PRKG1: variants seen among roughly 807,000 people sequenced by gnomAD.
The protein encoded by PRKG1 is protein kinase cGMP-dependent 1, also known as cGMP-dependent protein kinase 1.
In PRKG1, 35 loss-of-function variants were observed where a neutral mutation model predicts 88.1. That is an observed-to-expected ratio of 0.40 (90% CI 0.30 to 0.53). The LOEUF (loss-of-function observed/expected upper bound fraction) is 0.53. Ranked by LOEUF, PRKG1 falls within the 20% of genes least tolerant of loss-of-function variation. The probability of loss-of-function intolerance (pLI) is 0.59; values close to 1 mark genes in which losing one functional copy is unlikely to be tolerated. For synonymous variants in PRKG1, 303 were observed against 292.5 expected (o/e 1.04, Z -0.37); for missense variants, 540 against 839.8 (o/e 0.64, Z 4.41).
chr10:52,092,216 T>C (rs984563639), intron 7 of PRKG1, among the ~76,000 whole-genome samples: 11 of 152,192 alleles, frequency 7.2e-5, no homozygotes, highest in African/African-American at 2.7e-4. Flanking sequence ...ATACGCATTT[T>C]AGGTAAGAAC....
At chr10:52,209,146 G>A (rs1323315484) in intron 9 of PRKG1, among the ~76,000 whole-genome samples, 1 of 152,120 alleles carries the variant, frequency 6.6e-6, no homozygotes, top group African/African-American at 2.4e-5. Context: ...GGAGTAGGGG[G>A]TCCATAAACT....
intron 3 of PRKG1, among the ~76,000 whole-genome samples, chr10:51,554,381 A>G (rs2132135516): frequency 6.9e-6 from 1 of 144,960 alleles, no homozygotes; most frequent in South Asian, 2.1e-4. Flanking sequence ...CATATATAAT[A>G]TATACATATA....
At chr10:51,326,602 T>C (rs1057179308) in intron 2 of PRKG1, among the ~76,000 whole-genome samples, 2 of 152,200 alleles carry the variant, frequency 1.3e-5, no homozygotes, top group Non-Finnish European at 2.9e-5. Flanking sequence ...CTTTAAAAAA[T>C]AGCTAATTTT....
chr10:51,476,030 T>G (rs1840183278), intron 3 of PRKG1, among the ~76,000 whole-genome samples: 1 of 152,092 alleles, frequency 6.6e-6, no homozygotes, highest in African/African-American at 2.4e-5. Context: ...CAACCTTTTG[T>G]ACTCATAGTG....
intron 3 of PRKG1, among the ~76,000 whole-genome samples, chr10:51,493,315 G>A (rs137908867): frequency 6.6e-6 from 1 of 152,122 alleles, no homozygotes; most frequent in African/African-American, 2.4e-5. Context: ...CCAAATTCCA[G>A]GTGTTGTCTA....
chr10:52,077,077 A>C (rs374896241), intron 7 of PRKG1, among the ~76,000 whole-genome samples: 3 of 152,302 alleles, frequency 2.0e-5, no homozygotes, highest in South Asian at 2.1e-4. Context: ...TGAAACATGA[A>C]AGCTTACATG....
At chr10:51,943,519 C>T (rs1842956468) in intron 5 of PRKG1, among the ~76,000 whole-genome samples, 1 of 152,014 alleles carries the variant, frequency 6.6e-6, no homozygotes, top group African/African-American at 2.4e-5. Context: ...AGAGGGCATC[C>T]CTGTCTTATG....
chr10:51,838,626 TCTTC>T (rs1257556248), intron 4 of PRKG1, among the ~76,000 whole-genome samples: 1 of 152,182 alleles, frequency 6.6e-6, no homozygotes, highest in Non-Finnish European at 1.5e-5. Flanking sequence ...GGCTGAAATG[TCTTC>T]CTTATCTTCT....
chr10:51,562,606 G>A (rs1837496310), intron 3 of PRKG1, among the ~76,000 whole-genome samples: 1 of 152,056 alleles, frequency 6.6e-6, no homozygotes, highest in Non-Finnish European at 1.5e-5. Context: ...GCACCATCTG[G>A]AAATGTATTA....
intron 5 of PRKG1, among the ~76,000 whole-genome samples, chr10:52,041,554 A>G (rs1000342081): frequency 2.0e-5 from 3 of 152,210 alleles, no homozygotes; most frequent in Admixed American, 6.5e-5. Context: ...AGGAATTAGT[A>G]TAGTTCTTTA....
chr10:51,702,145 C>T (rs952205509), intron 3 of PRKG1, among the ~76,000 whole-genome samples: 1 of 152,172 alleles, frequency 6.6e-6, no homozygotes, highest in Non-Finnish European at 1.5e-5. Context: ...ATACCCTGGA[C>T]ATGAAGACTG....
chr10:51,534,092 G>A (rs929284217), intron 3 of PRKG1, among the ~76,000 whole-genome samples: 1 of 152,134 alleles, frequency 6.6e-6, no homozygotes, highest in Non-Finnish European at 1.5e-5. Context: ...AAAGAAAAGA[G>A]AAGGCAGAAG....
intron 3 of PRKG1, among the ~76,000 whole-genome samples, chr10:51,595,105 G>A (rs1838409896): frequency 6.6e-6 from 1 of 152,124 alleles, no homozygotes; most frequent in Admixed American, 6.5e-5. Context: ...CCAGCATTTT[G>A]GAAAGCCAAG....
At chr10:51,455,256 G>C (rs1269700369) in intron 2 of PRKG1, among the ~76,000 whole-genome samples, 1 of 152,218 alleles carries the variant, frequency 6.6e-6, no homozygotes, top group Admixed American at 6.5e-5. Context: ...AGGGTCCTTG[G>C]GCCTAGCCCA....
At chr10:51,671,649 C>G (rs567067649) in intron 3 of PRKG1, among the ~76,000 whole-genome samples, 3 of 151,054 alleles carry the variant, frequency 2.0e-5, no homozygotes, top group Admixed American at 6.6e-5. Flanking sequence ...TGCAGTGGCA[C>G]GATTTCAGCT....
intron 2 of PRKG1, among the ~76,000 whole-genome samples, chr10:51,413,278 A>T (rs7902687): frequency 7.9e-5 from 12 of 152,020 alleles, no homozygotes; most frequent in Non-Finnish European, 1.6e-4. Context: ...CCACATAAAC[A>T]CTAACACAAG....
chr10:52,198,820 G>GTT (rs1465635765), intron 9 of PRKG1, among the ~76,000 whole-genome samples: 1 of 151,536 alleles, frequency 6.6e-6, no homozygotes, highest in Non-Finnish European at 1.5e-5. Context: ...GTGAGTGTGT[G>GTT]TGTGTGTGTG....
intron 2 of PRKG1, among the ~76,000 whole-genome samples, chr10:51,363,394 G>A (rs956002806): frequency 5.9e-5 from 9 of 151,738 alleles, no homozygotes; most frequent in African/African-American, 2.2e-4. Context: ...TTGATATTGC[G>A]AGGAGAAGAT....
At chr10:50,998,249 T>C (rs1296338786) in intron 1 of PRKG1, among the ~76,000 whole-genome samples, 2 of 152,160 alleles carry the variant, frequency 1.3e-5, no homozygotes, top group Non-Finnish European at 2.9e-5. Flanking sequence ...GGTCCTTGTA[T>C]TTCTTCTGGC....
Sources: gnomAD v4.1 joint callset for allele counts (sites outside exome capture counted in the v4.1 genomes callset) on GRCh38, gnomAD v4.1.1 for gene constraint, MANE v1.5 for transcripts, NCBI Gene and HGNC (gene_info 2026-07-23, HGNC 2026-07-21) for gene names.